ARHGAP24: variants seen among roughly 807,000 people sequenced by gnomAD.
The protein encoded by ARHGAP24 is rho GTPase-activating protein 24.
A neutral mutation model predicts 76.4 loss-of-function variants in ARHGAP24; 50 were observed. The observed-to-expected ratio is 0.65, with a 90% CI of 0.52 to 0.83. ARHGAP24 has a LOEUF of 0.83. ARHGAP24 is among the 40% of genes least tolerant of loss of function. The pLI is 0.00. For missense variants in ARHGAP24, 930 were observed against 914.2 expected (o/e 1.02, Z -0.22); for synonymous variants, 345 against 323.3 (o/e 1.07, Z -0.72).
intron 4 of ARHGAP24, chr4:85,930,774 C>T: frequency 7.1e-7 from 1 of 1,415,592 alleles, no homozygotes; most frequent in South Asian, 1.6e-5. Context: ...GGTAACTTAT[C>T]CCTAAGCCAG....
Position 85,868,170 on chromosome 4 carries a change from G to A in ARHGAP24, c.269-55478G>A, listed in dbSNP as rs548192693. Reference sequence around the variant, plus strand: ...GGAAGCAGGAGTTTCCAGATCATACGTGGATTCATAGATTTTCTGATTGGC... The same window carrying A: ...GGAAGCAGGAGTTTCCAGATCATACATGGATTCATAGATTTTCTGATTGGC... On this transcript the variant is annotated intron_variant, in intron 3 of 9. Coordinates refer to ENST00000395184, the MANE Select transcript of ARHGAP24 (RefSeq NM_001025616.3). Among the ~76,000 whole-genome samples, 12 of 152,132 alleles carry A rather than the reference G, an allele frequency of 7.9e-5. 1 individual carries two copies. In the South Asian group the frequency reaches 2.3e-3, roughly 29 times the overall value.
At chr4:85,679,090 A>T (rs1250083951) in intron 2 of ARHGAP24, among the ~76,000 whole-genome samples, 2 of 152,228 alleles carry the variant, frequency 1.3e-5, no homozygotes, top group Non-Finnish European at 2.9e-5. Context: ...CAGAAAGAAT[A>T]GGGGAGCTTA....
At chr4:85,988,639 A>T (rs1740147133) in intron 8 of ARHGAP24, among the ~76,000 whole-genome samples, 1 of 151,698 alleles carries the variant, frequency 6.6e-6, no homozygotes, top group Non-Finnish European at 1.5e-5. Flanking sequence ...ACATAAAAAA[A>T]TAAAAGAGGA....
chr4:85,873,582 G>A (rs1732661757), intron 3 of ARHGAP24, among the ~76,000 whole-genome samples: 1 of 152,162 alleles, frequency 6.6e-6, no homozygotes, highest in South Asian at 2.1e-4. Context: ...TGTGATAAAT[G>A]TTGCCATGGG....
intron 1 of ARHGAP24, among the ~76,000 whole-genome samples, chr4:85,489,554 C>A (rs1723277475): frequency 6.6e-6 from 1 of 152,138 alleles, no homozygotes; most frequent in Non-Finnish European, 1.5e-5. Flanking sequence ...CTGGGTGAGA[C>A]AGACTCTTCA....
At chr4:85,682,824 C>T (rs997836406) in intron 2 of ARHGAP24, among the ~76,000 whole-genome samples, 4 of 152,108 alleles carry the variant, frequency 2.6e-5, no homozygotes. Context: ...GTAGAGGGAA[C>T]TTTCTTTGGA....
chr4:85,941,891 C>T (rs529362308), intron 4 of ARHGAP24, among the ~76,000 whole-genome samples, 175 bp from the exon 5 acceptor site: 1 of 152,158 alleles, frequency 6.6e-6, no homozygotes, highest in African/African-American at 2.4e-5. Context: ...TAAATCATAC[C>T]ATTTGAGGAA....
At chr4:85,524,326 TA>T (rs1177905640) in intron 1 of ARHGAP24, among the ~76,000 whole-genome samples, 1 of 152,182 alleles carries the variant, frequency 6.6e-6, no homozygotes, top group African/African-American at 2.4e-5. Flanking sequence ...AACTACTTTT[TA>T]AAATATTCCT....
At chr4:85,822,227 C>T (rs1729503673) in intron 3 of ARHGAP24, among the ~76,000 whole-genome samples, 1 of 152,098 alleles carries the variant, frequency 6.6e-6, no homozygotes, top group Non-Finnish European at 1.5e-5. Context: ...TTTGGTCTTT[C>T]TGTTTTTCCA....
intron 2 of ARHGAP24, among the ~76,000 whole-genome samples, chr4:85,688,278 A>C (rs1435806060): frequency 6.6e-6 from 1 of 152,180 alleles, no homozygotes; most frequent in Non-Finnish European, 1.5e-5. Context: ...GACTGGTGTG[A>C]CATAACATCT....
intron 2 of ARHGAP24, among the ~76,000 whole-genome samples, chr4:85,657,740 A>C (rs752840743): frequency 6.6e-5 from 10 of 152,190 alleles, no homozygotes; most frequent in Non-Finnish European, 1.3e-4. Context: ...AAATTTTATG[A>C]AATGCCACAA....
intron 3 of ARHGAP24, among the ~76,000 whole-genome samples, chr4:85,896,762 G>C (rs958111331): frequency 6.6e-6 from 1 of 152,050 alleles, no homozygotes; most frequent in African/African-American, 2.4e-5. Context: ...TGTTTGGGGA[G>C]CCTCTGTTGA....
chr4:85,547,789 G>C (rs7685458), intron 1 of ARHGAP24, among the ~76,000 whole-genome samples: 18,591 of 152,118 alleles, frequency 0.12, 3,238 homozygotes, highest in African/African-American at 0.39. Flanking sequence ...AGTAAAACGA[G>C]TGTTTCACCC....
At chr4:85,956,301 G>A (rs1231902486) in intron 5 of ARHGAP24, among the ~76,000 whole-genome samples, 7 of 152,182 alleles carry the variant, frequency 4.6e-5, no homozygotes, top group Non-Finnish European at 1.0e-4. Context: ...AACTCTTAAC[G>A]TTCCTATTTT....
At chr4:85,493,805 A>C (rs1438577874) in intron 1 of ARHGAP24, among the ~76,000 whole-genome samples, 2 of 152,220 alleles carry the variant, frequency 1.3e-5, no homozygotes, top group African/African-American at 4.8e-5. Flanking sequence ...TTTTTTCTAC[A>C]GTCTATTTAC....
chr4:85,616,167 G>C (rs1305945681), intron 2 of ARHGAP24, among the ~76,000 whole-genome samples: 1 of 152,144 alleles, frequency 6.6e-6, no homozygotes, highest in African/African-American at 2.4e-5. Flanking sequence ...TTTCCAGCCT[G>C]AAAACCAAAG....
intron 3 of ARHGAP24, among the ~76,000 whole-genome samples, chr4:85,906,747 G>T (rs1306688580): frequency 6.6e-6 from 1 of 152,076 alleles, no homozygotes; most frequent in Non-Finnish European, 1.5e-5. Context: ...GGGCAGTGTA[G>T]TTATTAGCAT....
chr4:85,673,132 T>C (rs974968927), intron 2 of ARHGAP24, among the ~76,000 whole-genome samples: 4 of 152,110 alleles, frequency 2.6e-5, no homozygotes, highest in African/African-American at 9.7e-5. Flanking sequence ...ACAAAGAAAA[T>C]GTTCAGTCTA....
chr4:85,518,375 T>C (rs6826053), intron 1 of ARHGAP24, among the ~76,000 whole-genome samples: 9,434 of 152,096 alleles, frequency 0.062, 371 homozygotes, highest in African/African-American at 0.11. Context: ...TATTTATTTA[T>C]ATTTTCATAA....
Sources: gnomAD v4.1 joint callset for allele counts (sites outside exome capture counted in the v4.1 genomes callset) on GRCh38, gnomAD v4.1.1 for gene constraint, MANE v1.5 for transcripts, NCBI Gene and HGNC (gene_info 2026-07-23, HGNC 2026-07-21) for gene names.